The following ALK variants were observed in gnomAD, a reference collection of about 807,000 sequenced individuals.
ALK encodes the protein ALK receptor tyrosine kinase.
A neutral mutation model predicts 163.1 loss-of-function variants in ALK; 74 were observed. That is an observed-to-expected ratio of 0.45 (90% CI 0.38 to 0.55). ALK has a LOEUF of 0.55. Ranked by LOEUF, ALK falls within the 20% of genes least tolerant of loss-of-function variation. The probability of loss-of-function intolerance (pLI) is 0.00; values close to 1 mark genes in which losing one functional copy is unlikely to be tolerated. For synonymous variants in ALK, 960 were observed against 843.2 expected, an observed-to-expected ratio of 1.14 and a Z score of -2.40; for missense variants, 2,063 against 2,105.3, an observed-to-expected ratio of 0.98 and a Z score of 0.39.
At chr2:29,906,140 G>A (rs376883960) in intron 1 of ALK, among the ~76,000 whole-genome samples, 2 of 136,774 alleles carry the variant, frequency 1.5e-5, no homozygotes, top group African/African-American at 3.7e-5. Context: ...TGTGGGGCAG[G>A]GGGGAAGAAG....
intron 3 of ALK, among the ~76,000 whole-genome samples, chr2:29,563,919 C>T (rs1373999676): frequency 1.3e-5 from 2 of 152,214 alleles, no homozygotes; most frequent in Non-Finnish European, 2.9e-5. Context: ...CTTTTAGACT[C>T]CTGCTGATGC....
At chr2:29,612,513 C>T (rs1382314820) in intron 3 of ALK, among the ~76,000 whole-genome samples, 1 of 152,198 alleles carries the variant, frequency 6.6e-6, no homozygotes, top group African/African-American at 2.4e-5. Context: ...ATGAGGTCAA[C>T]TAATGCTCAG....
intron 1 of ALK, among the ~76,000 whole-genome samples, chr2:29,738,334 C>CT (rs992826575): frequency 5.3e-5 from 8 of 151,938 alleles, no homozygotes; most frequent in Admixed American, 5.2e-4. Context: ...TTTGCATGCC[C>CT]TTTTTGCAGA....
chr2:29,228,732 C>G, intron 16 of ALK, 152 bp downstream of exon 16: 1 of 466,312 alleles, frequency 2.1e-6, no homozygotes, highest in South Asian at 2.9e-5. Context: ...CTGCCTCTGG[C>G]TGGTCCAGGC....
chr2:29,637,351 C>T (rs573640226), intron 3 of ALK, among the ~76,000 whole-genome samples: 3 of 152,152 alleles, frequency 2.0e-5, no homozygotes, highest in South Asian at 2.1e-4. Context: ...TTATGCCTTA[C>T]GACTCCATTT....
At chr2:29,479,730 T>G (rs1230865908) in intron 4 of ALK, among the ~76,000 whole-genome samples, 1 of 152,146 alleles carries the variant, frequency 6.6e-6, no homozygotes, top group Non-Finnish European at 1.5e-5. Flanking sequence ...TGGCTGTGGG[T>G]CTGGGGATGG....
At chr2:29,293,835 G>A (rs2148228793) in intron 9 of ALK, among the ~76,000 whole-genome samples, 1 of 10,456 alleles carries the variant, frequency 9.6e-5, no homozygotes, top group South Asian at 5.7e-3. Context: ...ATAGGAAAAT[G>A]GTCAGATTTC....
intron 8 of ALK, among the ~76,000 whole-genome samples, chr2:29,297,776 A>C (rs1454730908): frequency 6.6e-6 from 1 of 152,230 alleles, no homozygotes; most frequent in Non-Finnish European, 1.5e-5. Context: ...GTAACTAATA[A>C]CCTTTGTAAG....
At chr2:29,831,091 AG>A in intron 1 of ALK, among the ~76,000 whole-genome samples, 1 of 55,372 alleles carries the variant, frequency 1.8e-5, no homozygotes, top group African/African-American at 6.9e-5. Context: ...GAGGAGGAGG[AG>A]GAGGAGGAGG....
intron 3 of ALK, among the ~76,000 whole-genome samples, chr2:29,550,754 T>C (rs1056856496): frequency 6.6e-6 from 1 of 152,198 alleles, no homozygotes; most frequent in African/African-American, 2.4e-5. Flanking sequence ...GTGCATTAAA[T>C]ATAATTTAGA....
At chr2:29,261,607 C>A (rs200097817) in intron 11 of ALK, among the ~76,000 whole-genome samples, 2 of 152,180 alleles carry the variant, frequency 1.3e-5, no homozygotes, top group Admixed American at 1.3e-4. Context: ...TGGTCTAGAA[C>A]CTGCCGTTTC....
At chr2:29,410,151 T>G (rs539285387) in intron 4 of ALK, among the ~76,000 whole-genome samples, 1 of 152,244 alleles carries the variant, frequency 6.6e-6, no homozygotes, top group South Asian at 2.1e-4. Flanking sequence ...TACACAAACC[T>G]AGACGGTGTG....
At chr2:29,236,725 C>T (rs1664395836) in intron 13 of ALK, among the ~76,000 whole-genome samples, 1 of 152,196 alleles carries the variant, frequency 6.6e-6, no homozygotes, top group South Asian at 2.1e-4. Context: ...CTTTGTCCCG[C>T]TTTGCTGGTT....
intron 3 of ALK, among the ~76,000 whole-genome samples, chr2:29,685,687 G>C (rs564173216): frequency 3.9e-4 from 60 of 152,308 alleles, no homozygotes; most frequent in African/African-American, 1.4e-3. Flanking sequence ...ACTTGGTCAA[G>C]GCCAGCTGTG....
intron 4 of ALK, among the ~76,000 whole-genome samples, chr2:29,500,274 TAGTG>T (rs1218399730): frequency 2.0e-5 from 3 of 152,194 alleles, no homozygotes; most frequent in African/African-American, 7.2e-5. Flanking sequence ...GTTCTTGTGA[TAGTG>T]AGTGAGTGAG....
chr2:29,650,704 G>A (rs548480876), intron 3 of ALK, among the ~76,000 whole-genome samples: 27 of 152,022 alleles, frequency 1.8e-4, no homozygotes, highest in Non-Finnish European at 3.2e-4. Flanking sequence ...AACCATACCC[G>A]ATGAGGTCTC....
intron 1 of ALK, among the ~76,000 whole-genome samples, chr2:29,721,293 C>G (rs1316319025): frequency 6.6e-6 from 1 of 152,162 alleles, no homozygotes; most frequent in Non-Finnish European, 1.5e-5. Flanking sequence ...CACACAATCT[C>G]AACTCCTTTG....
chr2:29,654,881 C>T (rs879015235), intron 3 of ALK, among the ~76,000 whole-genome samples: 1 of 151,892 alleles, frequency 6.6e-6, no homozygotes, highest in Admixed American at 6.6e-5. Context: ...AAAAAATATA[C>T]TAAAGGTTGA....
intron 1 of ALK, among the ~76,000 whole-genome samples, chr2:29,824,270 C>T (rs186855523): frequency 2.6e-5 from 4 of 152,374 alleles, no homozygotes; most frequent in Middle Eastern, 3.4e-3. Context: ...GGGAAGGTCC[C>T]TCATGGAGAA....
Sources: allele counts gnomAD v4.1 joint callset (sites outside exome capture counted in the v4.1 genomes callset), GRCh38; gene constraint gnomAD v4.1.1; transcripts MANE v1.5; gene names NCBI Gene and HGNC (gene_info 2026-07-23, HGNC 2026-07-21).